WDR27: variants seen among roughly 807,000 people sequenced by gnomAD.
WDR27 encodes WD repeat-containing protein 27.
WDR27 carries 100 observed loss-of-function variants against 114.4 expected under a neutral mutation model. The ratio of observed to expected loss-of-function variants is 0.87; its 90% CI spans 0.74 to 1.03. The LOEUF (loss-of-function observed/expected upper bound fraction) is 1.03. Among genes scored for constraint, WDR27 ranks in the 50% least tolerant of loss-of-function variants. The probability of loss-of-function intolerance (pLI) is 0.00; values close to 1 mark genes in which losing one functional copy is unlikely to be tolerated. For missense variants in WDR27, 1,129 were observed against 1,092.9 expected, an observed-to-expected ratio of 1.03 and a Z score of -0.47; for synonymous variants, 449 against 423.1, an observed-to-expected ratio of 1.06 and a Z score of -0.75.
chr6:169,577,750 C>T (rs1802657640), intron 24 of WDR27, among the ~76,000 whole-genome samples: 3 of 152,210 alleles, frequency 2.0e-5, no homozygotes, highest in Admixed American at 2.0e-4. Context: ...CCAAGCGTCC[C>T]TCCAAGACAT....
intron 25 of WDR27, among the ~76,000 whole-genome samples, chr6:169,484,743 G>A: frequency 6.6e-6 from 1 of 152,190 alleles, no homozygotes; most frequent in East Asian, 1.9e-4. Flanking sequence ...GAACAAAGCT[G>A]GAGGCATCTT....
the WDR27 span, among the ~76,000 whole-genome samples, chr6:169,432,703 A>G: frequency 6.6e-6 from 1 of 152,202 alleles, no homozygotes; most frequent in Non-Finnish European, 1.5e-5. Flanking sequence ...ACCCTGTCTC[A>G]GGTATGCCTT....
intron 25 of WDR27, among the ~76,000 whole-genome samples, chr6:169,540,722 G>A (rs960025869): frequency 2.0e-5 from 3 of 151,988 alleles, no homozygotes; most frequent in Non-Finnish European, 4.4e-5. Flanking sequence ...GAGACACCGC[G>A]CCTGGCCTGA....
chr6:169,588,632 T>C (rs1468432327), intron 23 of WDR27, among the ~76,000 whole-genome samples: 3 of 152,194 alleles, frequency 2.0e-5, no homozygotes, highest in Non-Finnish European at 4.4e-5. Flanking sequence ...CACAAGCACA[T>C]GCTTATTTGA....
intron 2 of WDR27, among the ~76,000 whole-genome samples, chr6:169,674,953 T>C (rs1779715039): frequency 6.6e-6 from 1 of 152,150 alleles, no homozygotes; most frequent in Non-Finnish European, 1.5e-5. Flanking sequence ...GGGGAGCTTT[T>C]GAGCCAGGAT....
At position 169,662,442 on chromosome 6, in the gene WDR27, G is replaced by C; in HGVS notation, c.905-18C>G. ...GCTTTCTTCTAGGGACAGAATTATTGAGAATCTAAGAAGTGAACTTAAATG... is the reference window on the plus strand; with the variant it reads ...GCTTTCTTCTAGGGACAGAATTATTCAGAATCTAAGAAGTGAACTTAAATG... On this transcript the variant is annotated intron_variant, in intron 8 of 25. Coordinates refer to ENST00000448612, the MANE Select transcript of WDR27 (RefSeq NM_182552.5). The C allele has an allele frequency of 6.2e-7, 1 of 1,612,586 alleles. No individual in the cohort carries two copies. The highest frequency in any genetic ancestry group is 8.5e-7 in the Non-Finnish European group (1 of 1,178,938).
chr6:169,449,065 C>T, the WDR27 span, among the ~76,000 whole-genome samples: 1 of 152,172 alleles, frequency 6.6e-6, no homozygotes, highest in South Asian at 2.1e-4. Context: ...AACTTGCCTA[C>T]GACGTGTATT....
the WDR27 span, among the ~76,000 whole-genome samples, chr6:169,438,588 TTTC>T: frequency 2.0e-5 from 3 of 152,166 alleles, no homozygotes; most frequent in Non-Finnish European, 2.9e-5. Context: ...AGGTACTGGT[TTTC>T]TTGTTTACTT....
chr6:169,634,035 T>A (rs1025643307), intron 20 of WDR27, among the ~76,000 whole-genome samples: 5 of 152,176 alleles, frequency 3.3e-5, no homozygotes, highest in Non-Finnish European at 5.9e-5. Context: ...CATAAAAATC[T>A]CAAAAATTAA....
In WDR27 at chr6:169,597,877, T is replaced by TTCATACACAC. The variant is rs1199110824; in HGVS notation, c.2424+4341_2424+4342insGTGTGTATGA. Among the ~76,000 whole-genome samples, 794 of 142,264 alleles carry TTCATACACAC rather than the reference T, an allele frequency of 5.6e-3. 10 individuals are homozygous for TTCATACACAC. The highest frequency in any genetic ancestry group is 0.021 in the South Asian group (88 of 4,270). The allele number at this position is 142,264 out of a possible 152,430, so 93.3% of individuals were successfully genotyped here. On this transcript the variant is annotated intron_variant, in intron 23 of 25. Coordinates refer to ENST00000448612, the MANE Select transcript of WDR27 (RefSeq NM_182552.5). Reference sequence around the variant, plus strand: ...GCACAACTTCACCTCTTACCATTCATACACACACACACACACACACACACA... The same window carrying TTCATACACAC: ...GCACAACTTCACCTCTTACCATTCATTCATACACACACACACACACACACACACACACACA...
intron 18 of WDR27, among the ~76,000 whole-genome samples, chr6:169,637,873 T>C (rs1818048910): frequency 6.6e-6 from 1 of 152,122 alleles, no homozygotes; most frequent in East Asian, 1.9e-4. Context: ...GGCAAGTATG[T>C]AAGTGTGCGT....
chr6:169,500,592 G>GT (rs1562498854), intron 25 of WDR27, among the ~76,000 whole-genome samples: 1 of 152,174 alleles, frequency 6.6e-6, no homozygotes, highest in African/African-American at 2.4e-5. Flanking sequence ...GGTAGTGCGC[G>GT]TGAGTGCTGC....
chr6:169,567,552 C>T (rs541020162), intron 25 of WDR27, among the ~76,000 whole-genome samples: 18 of 152,234 alleles, frequency 1.2e-4, no homozygotes, highest in South Asian at 4.1e-4. Flanking sequence ...CAGCACCAGG[C>T]GCAGACGCTC....
intron 23 of WDR27, among the ~76,000 whole-genome samples, chr6:169,583,488 CAT>C (rs1317226197): frequency 5.9e-3 from 83 of 13,980 alleles, no homozygotes; most frequent in South Asian, 0.023. Context: ...TGTATATATA[CAT>C]ATATATATAT....
chr6:169,527,253 ACAG>A (rs1196616344), intron 25 of WDR27, among the ~76,000 whole-genome samples: 15 of 152,242 alleles, frequency 9.9e-5, no homozygotes, highest in African/African-American at 2.9e-4. Context: ...AAATACTACA[ACAG>A]ATAAATGGAT....
Position 169,692,988 on chromosome 6 carries a change from G to C in WDR27, c.-7-3976C>G, listed in dbSNP as rs138519917. Among the ~76,000 whole-genome samples, 701 of 152,244 alleles carry C rather than the reference G, an allele frequency of 4.6e-3. 5 individuals are homozygous for C. Among genetic ancestry groups the C allele is most frequent in the Non-Finnish European group, 7.3e-3 (497 of 68,018 alleles). On this transcript the variant is annotated intron_variant, in intron 1 of 25. Coordinates refer to ENST00000448612, the MANE Select transcript of WDR27 (RefSeq NM_182552.5). ...CTAACACAGCAGCTGATATTCTCTC[G>C]AAGAACTCCTGAGAAATTCATCACA...
the WDR27 span, among the ~76,000 whole-genome samples, chr6:169,427,809 CA>C: frequency 0.036 from 4,553 of 126,532 alleles, 209 homozygotes; most frequent in African/African-American, 0.12. Flanking sequence ...AAACAACAAC[CA>C]AAAAAAAAAA....
intron 21 of WDR27, among the ~76,000 whole-genome samples, chr6:169,614,000 GC>G (rs1430660499): frequency 1.3e-5 from 2 of 152,130 alleles, no homozygotes; most frequent in Non-Finnish European, 2.9e-5. Flanking sequence ...TCTGAAAGAT[GC>G]CCCTCAACAA....
intron 25 of WDR27, among the ~76,000 whole-genome samples, chr6:169,533,066 G>A (rs1231273215): frequency 6.6e-6 from 1 of 152,156 alleles, no homozygotes; most frequent in Non-Finnish European, 1.5e-5. Context: ...TTACAGGTCT[G>A]TGAAAGAGCT....
Sources: gnomAD v4.1 joint callset for allele counts (sites outside exome capture counted in the v4.1 genomes callset) on GRCh38, gnomAD v4.1.1 for gene constraint, MANE v1.5 for transcripts, NCBI Gene and HGNC (gene_info 2026-07-23, HGNC 2026-07-21) for gene names.